Variants in SCLT1 observed in about 807,000 individuals in gnomAD.
SCLT1 encodes sodium channel-associated protein 1.
SCLT1 carries 78 observed loss-of-function variants against 112.8 expected under a neutral mutation model. That is an observed-to-expected ratio of 0.69 (90% confidence interval 0.58 to 0.83). The LOEUF is 0.83. Ranked by LOEUF, SCLT1 falls within the 40% of genes least tolerant of loss-of-function variation. The pLI is 0.00. For synonymous variants in SCLT1, 257 were observed against 254.7 expected, an observed-to-expected ratio of 1.01 and a Z score of -0.09; for missense variants, 747 against 770.4, an observed-to-expected ratio of 0.97 and a Z score of 0.36.
intron 18 of SCLT1, among the ~76,000 whole-genome samples, chr4:128,897,598 GAA>G (rs1271955895): frequency 1.3e-5 from 2 of 151,978 alleles, no homozygotes; most frequent in Admixed American, 6.6e-5. Flanking sequence ...TCGAGGCTAG[GAA>G]AAAACTGCAT....
In SCLT1 at chr4:129,075,616, A is replaced by G. The variant is rs182829886; in HGVS notation, c.102+6690T>C. 3.3e-5 allele frequency among the ~76,000 whole-genome samples: 5 copies of G among 152,244 alleles called. No homozygotes were observed. The East Asian group carries it at 9.6e-4, about 29-fold the overall frequency. On this transcript the variant is annotated intron_variant, in intron 2 of 20. Coordinates refer to ENST00000281142, the MANE Select transcript of SCLT1 (RefSeq NM_144643.4). ...AATTAAATAAAACATTCATTTCTTC[A>G]GTTGTATTAGCCTAATTTCAAGTGG... is the stretch of plus-strand genomic sequence containing the variant.
chr4:128,879,977 AAGG>A (rs1414436367), downstream of SCLT1, among the ~76,000 whole-genome samples: 1 of 152,240 alleles, frequency 6.6e-6, no homozygotes, highest in Non-Finnish European at 1.5e-5. Context: ...TGCCTTATCA[AAGG>A]AATTAAAGAG....
intron 18 of SCLT1, among the ~76,000 whole-genome samples, chr4:128,896,859 G>A (rs1223119219): frequency 2.0e-5 from 3 of 152,008 alleles, no homozygotes; most frequent in African/African-American, 4.8e-5. Flanking sequence ...GCCAAGGCTC[G>A]AGAACTACCT....
intron 10 of SCLT1, among the ~76,000 whole-genome samples, chr4:128,967,856 G>T (rs183538824): frequency 5.4e-4 from 82 of 152,096 alleles, no homozygotes; most frequent in Non-Finnish European, 8.2e-4. Context: ...AGTTTAATTA[G>T]GTCCCACTTG....
chr4:129,022,843 A>T (rs1176137227), intron 5 of SCLT1, among the ~76,000 whole-genome samples: 1 of 152,184 alleles, frequency 6.6e-6, no homozygotes, highest in East Asian at 1.9e-4. Flanking sequence ...TCACATAATC[A>T]TCAGATTTTC....
At chr4:128,975,075 G>T (rs1384536715) in intron 9 of SCLT1, among the ~76,000 whole-genome samples, 2 of 68,536 alleles carry the variant, frequency 2.9e-5, no homozygotes, top group Non-Finnish European at 5.9e-5. Context: ...GTCTCGCTCT[G>T]TTGCCCAGGC....
At chr4:128,926,928 GT>G (rs199762853) in intron 18 of SCLT1, among the ~76,000 whole-genome samples, 2,649 of 151,826 alleles carry the variant, frequency 0.017, 74 homozygotes, top group African/African-American at 0.055. Context: ...AACATGTAGG[GT>G]AGTTACCAAA....
chr4:128,989,366 C>G (rs1579612664), intron 9 of SCLT1, among the ~76,000 whole-genome samples: 1 of 151,714 alleles, frequency 6.6e-6, no homozygotes, highest in East Asian at 1.9e-4. Flanking sequence ...CAATACGCTC[C>G]TAAATGACCA....
intron 14 of SCLT1, chr4:128,952,207 G>A (rs1738818097): frequency 2.6e-6 from 1 of 388,708 alleles, no homozygotes; most frequent in Admixed American, 3.3e-5. Flanking sequence ...CAGGGAGTCA[G>A]AAAAGATGAA....
intron 18 of SCLT1, among the ~76,000 whole-genome samples, chr4:128,909,591 C>T (rs112520169): frequency 3.3e-4 from 50 of 152,122 alleles, no homozygotes; most frequent in Non-Finnish European, 6.3e-4. Context: ...AATTAACATG[C>T]GTATGTTTAT....
At chr4:129,000,113 T>G (rs910350942) in intron 6 of SCLT1, among the ~76,000 whole-genome samples, 12 of 151,866 alleles carry the variant, frequency 7.9e-5, no homozygotes, top group Admixed American at 4.6e-4. Context: ...TAGAAACTGA[T>G]GAAGAAGAAA....
At position 128,999,662 on chromosome 4, in the gene SCLT1, C is replaced by A. The variant is rs1348984343; in HGVS notation, c.549+10G>T. The A allele has an allele frequency of 1.1e-5, 17 of 1,591,170 alleles. No homozygotes were observed. The highest frequency in any genetic ancestry group is 1.5e-5 in the Non-Finnish European group (17 of 1,168,450). On this transcript the variant is annotated intron_variant, in intron 7 of 20. Coordinates refer to ENST00000281142, the MANE Select transcript of SCLT1 (RefSeq NM_144643.4). ...TTGATATACAAGAAAATGATGAAAT[C>A]CAAGATTACCTTTTGTTTTTGACTT...
At chr4:128,945,981 A>G in intron 16 of SCLT1, 26 bp downstream of exon 16, 2 of 1,539,108 alleles carry the variant, frequency 1.3e-6, no homozygotes, top group Non-Finnish European at 1.8e-6. Flanking sequence ...AGATGTTATC[A>G]TAGAAAATCC....
intron 14 of SCLT1, among the ~76,000 whole-genome samples, chr4:128,950,991 T>A (rs1286407118): frequency 6.6e-6 from 1 of 152,150 alleles, no homozygotes; most frequent in Non-Finnish European, 1.5e-5. Flanking sequence ...TTTTTCTTAA[T>A]CTATTAAATA....
At chr4:129,019,786 C>T (rs1423755763) in intron 5 of SCLT1, among the ~76,000 whole-genome samples, 1 of 152,086 alleles carries the variant, frequency 6.6e-6, no homozygotes, top group Non-Finnish European at 1.5e-5. Context: ...TGCCACAGTG[C>T]AGCATTTCTT....
At chr4:129,010,416 A>T (rs1054046269) in intron 5 of SCLT1, among the ~76,000 whole-genome samples, 1 of 152,182 alleles carries the variant, frequency 6.6e-6, no homozygotes, top group African/African-American at 2.4e-5. Context: ...TTCGTTCCAC[A>T]TGAATTTTAA....
chr4:129,009,153 G>T (rs1744291582), intron 5 of SCLT1, among the ~76,000 whole-genome samples: 1 of 152,172 alleles, frequency 6.6e-6, no homozygotes, highest in Non-Finnish European at 1.5e-5. Context: ...ATGGTAGAAT[G>T]ATTTCTATTA....
At chr4:128,885,296 G>A (rs558814155) in intron 20 of SCLT1, among the ~76,000 whole-genome samples, 7 of 152,242 alleles carry the variant, frequency 4.6e-5, no homozygotes, top group African/African-American at 7.2e-5. Flanking sequence ...AGGAAGTCTC[G>A]TTCCCATTGC....
intron 14 of SCLT1, 148 bp downstream of exon 14, chr4:128,952,621 G>A (rs1227042721): frequency 4.7e-6 from 3 of 639,438 alleles, no homozygotes; most frequent in Middle Eastern, 2.5e-4. Context: ...CTGCAAACAT[G>A]TCTATCTGGA....
Sources: allele counts gnomAD v4.1 joint callset (sites outside exome capture counted in the v4.1 genomes callset), GRCh38; gene constraint gnomAD v4.1.1; transcripts MANE v1.5; gene names NCBI Gene and HGNC (gene_info 2026-07-23, HGNC 2026-07-21).